Variants in RECQL observed in about 807,000 individuals in gnomAD.
The protein encoded by RECQL is ATP-dependent DNA helicase Q1.
Under a neutral mutation model 75.8 loss-of-function variants are expected in RECQL, and 73 were observed. That is an observed-to-expected ratio of 0.96 (90% CI 0.80 to 1.17). The LOEUF (loss-of-function observed/expected upper bound fraction) is 1.17, where lower values mean the gene tolerates loss of function less well. RECQL is among the 50% of genes most tolerant of loss of function. RECQL has a pLI of 0.00. For synonymous variants in RECQL, 248 were observed against 254.4 expected (o/e 0.97, Z 0.24); for missense variants, 699 against 772.1 (o/e 0.91, Z 1.12).
intron 4 of RECQL, among the ~76,000 whole-genome samples, chr12:21,489,880 G>C (rs768586888): frequency 1.8e-4 from 28 of 152,170 alleles, no homozygotes; most frequent in Non-Finnish European, 3.4e-4. Context: ...TTTAGGGAGA[G>C]AGGAGGGCAA....
chr12:21,472,353 CAGAGT>C (rs1452509599), intron 12 of RECQL, among the ~76,000 whole-genome samples: 1 of 152,048 alleles, frequency 6.6e-6, no homozygotes, highest in Non-Finnish European at 1.5e-5. Context: ...AGCAAGCCAA[CAGAGT>C]AAAGTGAAAG....
intron 2 of RECQL, among the ~76,000 whole-genome samples, chr12:21,496,237 A>T (rs186013802): frequency 7.9e-5 from 12 of 152,360 alleles, no homozygotes; most frequent in Admixed American, 3.3e-4. Flanking sequence ...GCCAAAATTA[A>T]TAAGGCTGTG....
chr12:21,481,753 G>C (rs1034771522), intron 6 of RECQL, among the ~76,000 whole-genome samples: 2 of 152,146 alleles, frequency 1.3e-5, no homozygotes, highest in African/African-American at 4.8e-5. Flanking sequence ...GAACCCTAGG[G>C]AACACTAATA....
At chr12:21,493,648 G>A (rs536764263) in intron 2 of RECQL, among the ~76,000 whole-genome samples, 2 of 152,298 alleles carry the variant, frequency 1.3e-5, no homozygotes, top group South Asian at 4.2e-4. Flanking sequence ...GGGAACATAA[G>A]GGCAGATTCC....
intron 5 of RECQL, among the ~76,000 whole-genome samples, chr12:21,484,023 T>A (rs1024288975): frequency 3.3e-5 from 5 of 152,152 alleles, no homozygotes; most frequent in Non-Finnish European, 5.9e-5. Context: ...TCTCAAATGA[T>A]ACCATCAAAT....
intron 4 of RECQL, among the ~76,000 whole-genome samples, chr12:21,488,030 C>T (rs545925675): frequency 6.6e-6 from 1 of 152,282 alleles, no homozygotes; most frequent in South Asian, 2.1e-4. Context: ...TTCTTCCCTT[C>T]ATAGTCATTC....
chr12:21,469,917 TAA>T lies in RECQL; in HGVS notation c.*275_*276del, dbSNP rs1591963996. 1.0e-5 allele frequency: 3 copies of T among 291,706 alleles called. No individual in the cohort carries two copies. The East Asian group carries it at 2.6e-4, about 25-fold the overall frequency. 18.1% of individuals were successfully genotyped at this position (291,706 alleles called of 1,614,324 possible). ...TAAGTATATAAAGGCATAAAAAACT[TAA>T]GACGATTGTATGAACTTATTCTCAA... On this transcript the variant is annotated 3_prime_UTR_variant, in exon 15 of 15. Transcript: ENST00000444129.
In RECQL at chr12:21,475,813, AAT is replaced by A. The variant is rs1943076316; in HGVS notation, c.959_960del (p.Tyr320LeufsTer8). ...TGTTCAGAGTCTTTCTGAGAAAAACAATATATGATTCCTGCAGTAAAATATGT... is the reference window on the plus strand; with the variant it reads ...TGTTCAGAGTCTTTCTGAGAAAAACAATATGATTCCTGCAGTAAAATATGT... The part of the protein sequence containing the change: ...GRYKGQSGII[Y>X]CFSQKDSEQV... On this transcript the variant is annotated frameshift_variant, in exon 9 of 15. Transcript: ENST00000444129. LOFTEE classifies it high-confidence loss of function. 1.2e-6 allele frequency: 2 copies of A among 1,611,896 alleles called. No individual in the cohort carries two copies. The highest frequency in any genetic ancestry group is 4.5e-5 in the East Asian group (2 of 44,842).
chr12:21,484,622 A>G (rs759913547), intron 5 of RECQL, among the ~76,000 whole-genome samples: 7 of 152,166 alleles, frequency 4.6e-5, no homozygotes, highest in Non-Finnish European at 1.0e-4. Flanking sequence ...TAAAATGAAC[A>G]TGGATTATCT....
chr12:21,487,243 T>C (rs1387219818), intron 4 of RECQL, among the ~76,000 whole-genome samples: 1 of 152,184 alleles, frequency 6.6e-6, no homozygotes, highest in East Asian at 1.9e-4. Flanking sequence ...GTTCAAACAC[T>C]AAACAGTTTC....
intron 6 of RECQL, among the ~76,000 whole-genome samples, chr12:21,478,453 T>G (rs1279577692): frequency 6.6e-6 from 1 of 152,190 alleles, no homozygotes; most frequent in Non-Finnish European, 1.5e-5. Context: ...AGTAGAGGAC[T>G]ACTATGAAAA....
Position 21,477,866 on chromosome 12 carries a change from A to C in RECQL, c.804T>G (p.Ile268Met). 1 of 1,613,970 alleles carries C rather than the reference A, an allele frequency of 6.2e-7. No individual in the cohort carries two copies. Among genetic ancestry groups the C allele is most frequent in the East Asian group, 2.2e-5 (1 of 44,872 alleles). ...AAGTAAAACACTTTTCAATGCACAAAATTTTCTGAGCATCCGTCAAAACGT... is the reference window on the plus strand; with the variant it reads ...AAGTAAAACACTTTTCAATGCACAACATTTTCTGAGCATCCGTCAAAACGT... ...TNHVLTDAQK[I>M]LCIEKCFTFT... The change falls in exon 7 of 15, where the codon ATT (isoleucine) becomes ATG (methionine). Residue 268 changes from isoleucine (I) to methionine (M), a missense_variant. This residue lies in a region of RECQL where 669 missense variants were observed against 713.5 expected (regional missense o/e 0.94). Transcript: ENST00000444129.
intron 8 of RECQL, among the ~76,000 whole-genome samples, chr12:21,476,347 C>A (rs750299882): frequency 1.3e-5 from 2 of 151,990 alleles, no homozygotes; most frequent in African/African-American, 2.4e-5. Flanking sequence ...CCCTAGAACT[C>A]CTTTTACCCA....
In RECQL at chr12:21,481,285, T is replaced by G. The variant is rs1382678304; in HGVS notation, c.700+2091A>C. Among the ~76,000 whole-genome samples the G allele has an allele frequency of 2.0e-5, 3 of 152,170 alleles. No individual in the cohort carries two copies. The East Asian group carries it at 5.8e-4, about 29-fold the overall frequency. ...TTGAGAAGAAAAAGAGCAGTTCTTT[T>G]GGGGGAATTTAGTTTTGGTCATGCT... On this transcript the variant is annotated intron_variant, in intron 6 of 14. Transcript: ENST00000444129.
At chr12:21,479,128 C>G (rs1943143419) in intron 6 of RECQL, among the ~76,000 whole-genome samples, 1 of 152,130 alleles carries the variant, frequency 6.6e-6, no homozygotes, top group African/African-American at 2.4e-5. Context: ...TCCAACTCCC[C>G]TCTTCAGACC....
At chr12:21,497,297 T>C (rs1055951163) in intron 2 of RECQL, among the ~76,000 whole-genome samples, 4 of 152,242 alleles carry the variant, frequency 2.6e-5, no homozygotes, top group South Asian at 2.1e-4. Context: ...TATAACCTCA[T>C]GGTGGGATTC....
chr12:21,475,391 A>C (rs1943064813), intron 10 of RECQL, 77 bp downstream of exon 10: 1 of 877,756 alleles, frequency 1.1e-6, no homozygotes, highest in South Asian at 1.6e-5. Flanking sequence ...TAAAACATAC[A>C]GACTTATTAA....
rs66935820 is a variant in RECQL, at chr12:21,486,260, T to C, written c.501+219A>G. On this transcript the variant is annotated intron_variant, in intron 5 of 14. Coordinates refer to ENST00000444129, the MANE Select transcript of RECQL (RefSeq NM_002907.4). ...ATTTTCCCATTTCACAAAATATTCT[T>C]TTTAGATTTTTTTTAGCCATTTAAA... Among the ~76,000 whole-genome samples the C allele has an allele frequency of 0.15, 23,044 of 152,152 alleles. 2,095 individuals are homozygous for C. The highest frequency in any genetic ancestry group is 0.27 in the Middle Eastern group (80 of 294).
rs1350464681 is a variant in RECQL, at chr12:21,474,945, G to C, written c.1251C>G (p.Tyr417Ter). The C allele has an allele frequency of 6.2e-7, 1 of 1,612,910 alleles. No homozygotes were observed. The highest frequency in any genetic ancestry group is 1.1e-5 in the South Asian group (1 of 91,038). Residue 417 changes from tyrosine (Y) to a stop codon, truncating the protein, a stop_gained, in exon 11 of 15, where the codon TAC becomes TAG. Coordinates refer to ENST00000444129, the MANE Select transcript of RECQL (RefSeq NM_002907.4). LOFTEE classifies it high-confidence loss of function. Reference sequence around the variant, plus strand: ...TTCTGAATATATCTCCAAAGCCGTAGTACAAAATACAGTCTGCTTTCATGT... The same window carrying C: ...TTCTGAATATATCTCCAAAGCCGTACTACAAAATACAGTCTGCTTTCATGT... ...RDDMKADCIL[Y>*]YGFGDIFRIS...
Sources: gnomAD v4.1 joint callset for allele counts (sites outside exome capture counted in the v4.1 genomes callset) on GRCh38, gnomAD v4.1.1 for gene constraint, gnomAD v4.1.1 regional missense constraint, MANE v1.5 for transcripts, NCBI Gene and HGNC (gene_info 2026-07-23, HGNC 2026-07-21) for gene names.